The following FAM222B variants were observed in gnomAD, a reference collection of about 807,000 sequenced individuals.
FAM222B encodes protein FAM222B.
Under a neutral mutation model 38.0 loss-of-function variants are expected in FAM222B, and 12 were observed. The ratio of observed to expected loss-of-function variants is 0.32; its 90% CI spans 0.20 to 0.51. The LOEUF is 0.51. Among genes scored for constraint, FAM222B ranks in the 20% least tolerant of loss-of-function variants. The pLI, the probability that FAM222B is intolerant of heterozygous loss-of-function variation, is 0.97. For synonymous variants in FAM222B, 329 were observed against 317.2 expected, an observed-to-expected ratio of 1.04 and a Z score of -0.40; for missense variants, 716 against 754.2, an observed-to-expected ratio of 0.95 and a Z score of 0.59.
intron 1 of FAM222B, among the ~76,000 whole-genome samples, chr17:28,830,568 T>C (rs34267753): frequency 0.19 from 28,721 of 152,164 alleles, 2,850 homozygotes; most frequent in South Asian, 0.3. Context: ...AAGCAAAAGT[T>C]TTTAATTTTG....
intron 1 of FAM222B, among the ~76,000 whole-genome samples, chr17:28,773,479 C>CA (rs66716142): frequency 0.5 from 29,846 of 60,280 alleles, 8,009 homozygotes; most frequent in Non-Finnish European, 0.61. Flanking sequence ...AACTCTGTCT[C>CA]AAAAAAAAAA....
chr17:28,814,353 T>C (rs980146347), intron 1 of FAM222B, among the ~76,000 whole-genome samples: 1 of 152,100 alleles, frequency 6.6e-6, no homozygotes, highest in African/African-American at 2.4e-5. Flanking sequence ...AAAACAAAAC[T>C]TTAAAATTAA....
At chr17:28,791,174 G>C (rs1251679903) in intron 1 of FAM222B, among the ~76,000 whole-genome samples, 1 of 151,864 alleles carries the variant, frequency 6.6e-6, no homozygotes, top group South Asian at 2.1e-4. Flanking sequence ...CCTCCCAAAA[G>C]CTGGGATTAC....
Position 28,840,531 on chromosome 17 carries a change from TC to T in FAM222B, c.-41+2150del, listed in dbSNP as rs1233954849. Among the ~76,000 whole-genome samples, 4 of 152,076 alleles carry T rather than the reference TC, an allele frequency of 2.6e-5. No individual in the cohort carries two copies. The East Asian group carries it at 7.7e-4, about 29-fold the overall frequency. On this transcript the variant is annotated intron_variant, in intron 1 of 2. Transcript: ENST00000581407. ...CTTCTGAGATATTCCACCTGAGAGA[TC>T]CCACTGACAAGCAGGGTAACAAAAA...
chr17:28,796,734 A>G (rs1229948524), intron 1 of FAM222B, among the ~76,000 whole-genome samples: 1 of 152,002 alleles, frequency 6.6e-6, no homozygotes, highest in East Asian at 1.9e-4. Context: ...AAAAAAAAAG[A>G]AAGAAAGAAA....
intron 1 of FAM222B, among the ~76,000 whole-genome samples, chr17:28,825,230 T>C (rs1486597448): frequency 6.6e-6 from 1 of 151,840 alleles, no homozygotes; most frequent in African/African-American, 2.4e-5. Context: ...CTTAGGAGTT[T>C]GAGAACAGAC....
Position 28,756,459 on chromosome 17 carries a change from CAG to C in FAM222B, c.*1809_*1810del, listed in dbSNP as rs1328641955. On this transcript the variant is annotated 3_prime_UTR_variant, in exon 3 of 3. Coordinates refer to ENST00000581407, the MANE Select transcript of FAM222B (RefSeq NM_001077498.3). ...AGGTATTGGGGAGGAAAAAAAAATA[CAG>C]CAAGAATATCTGCTTTGGAGATCAA... 1 of 152,494 alleles carries C rather than the reference CAG, an allele frequency of 6.6e-6. No homozygotes were observed. The highest frequency in any genetic ancestry group is 6.6e-5 in the Admixed American group (1 of 15,260). 9.4% of individuals were successfully genotyped at this position (152,494 alleles called of 1,614,324 possible). A position where few individuals can be genotyped will look rare whatever the true frequency, so the allele number is the denominator to read the frequency against.
At position 28,759,294 on chromosome 17, in the gene FAM222B, G is replaced by A. The variant is rs769517981; in HGVS notation, c.665C>T (p.Pro222Leu). The change falls in exon 3 of 3, where the codon CCC (proline) becomes CTC (leucine). Residue 222 changes from proline (P) to leucine (L), a missense_variant. Transcript: ENST00000581407. The surrounding 1 kb of genome is among the most constrained non-coding windows in gnomAD (Gnocchi z 4.8). ...QALAHQGLQH[P>L]HNPLLHGGRK... Reference sequence around the variant, plus strand: ...GCCTCCATGCAGCAAGGGATTGTGGGGGTGCTGGAGACCCTGGTGAGCCAG... The same window carrying A: ...GCCTCCATGCAGCAAGGGATTGTGGAGGTGCTGGAGACCCTGGTGAGCCAG... 2 of 1,612,648 alleles carry A rather than the reference G, an allele frequency of 1.2e-6. No homozygotes were observed. The highest frequency in any genetic ancestry group is 1.6e-4 in the Middle Eastern group (1 of 6,062).
intron 1 of FAM222B, among the ~76,000 whole-genome samples, chr17:28,854,190 G>A (rs1413751154): frequency 6.6e-6 from 1 of 152,004 alleles, no homozygotes; most frequent in African/African-American, 2.4e-5. Context: ...TGATCCGCCC[G>A]CCTCGGCCTC....
Position 28,759,016 on chromosome 17 carries a change from C to T in FAM222B, c.943G>A (p.Val315Ile), listed in dbSNP as rs112187222. 269 of 1,612,942 alleles carry T rather than the reference C, an allele frequency of 1.7e-4. No homozygotes were observed. The African/African-American group carries it at 2.7e-3, about 16-fold the overall frequency. ...ACACATGAAGGCATTGGTGTGGGGACGCTGTGGGTCGACACCCGGGTGCTT... is the reference window on the plus strand; with the variant it reads ...ACACATGAAGGCATTGGTGTGGGGATGCTGTGGGTCGACACCCGGGTGCTT... ...NASTRVSTHS[V>I]PTPMPSCVVN... is the part of the protein sequence containing the mutation. Residue 315 changes from valine (V) to isoleucine (I), a missense_variant, in exon 3 of 3, where the codon GTC (valine) becomes ATC (isoleucine). Physicochemically the swap from Val to Ile is conservative, Grantham distance 29 (BLOSUM62 3). Transcript: ENST00000581407. This position sits in a 1 kb window ranked among gnomAD's most constrained non-coding sequence, Gnocchi z 4.8.
chr17:28,771,046 T>C (rs976853733), intron 1 of FAM222B, among the ~76,000 whole-genome samples: 1 of 151,066 alleles, frequency 6.6e-6, no homozygotes, highest in African/African-American at 2.4e-5. Context: ...GGTGCAATGA[T>C]GCTCCCTAGC....
rs761764271 is a variant in FAM222B, at chr17:28,758,965, C to T, written c.994G>A (p.Ala332Thr). ...GCAGCAGGCAACGCGGCGGTGGCCG[C>T]GTGGGTGTGCTCCATGGGATTGACC... is the stretch of plus-strand genomic sequence containing the variant. ...CVVNPMEHTH[A>T]ATAALPAAGP... Residue 332 changes from alanine to threonine, a missense_variant, in exon 3 of 3, where the codon GCG (alanine) becomes ACG (threonine). Ala to Thr is a moderately conservative substitution (Grantham distance 58). Transcript: ENST00000581407. 27 of 1,610,986 alleles carry T rather than the reference C, an allele frequency of 1.7e-5. No homozygotes were observed. Among genetic ancestry groups the T allele is most frequent in the Non-Finnish European group, 2.2e-5 (26 of 1,178,838 alleles).
intron 1 of FAM222B, among the ~76,000 whole-genome samples, chr17:28,814,135 G>A (rs887516557): frequency 5.3e-5 from 8 of 150,956 alleles, no homozygotes; most frequent in East Asian, 2.0e-4. Context: ...AGCAGAGACC[G>A]TGCCACTGCA....
chr17:28,805,334 A>C (rs1217913585), intron 1 of FAM222B, among the ~76,000 whole-genome samples: 1 of 152,198 alleles, frequency 6.6e-6, no homozygotes, highest in East Asian at 1.9e-4. Context: ...CAGAAGTTCG[A>C]GACCAACCTG....
At chr17:28,801,405 G>T (rs1402710558) in intron 1 of FAM222B, among the ~76,000 whole-genome samples, 1 of 138,896 alleles carries the variant, frequency 7.2e-6, no homozygotes, top group African/African-American at 2.8e-5. Context: ...AGTGAGCCAA[G>T]ATCATGCCAC....
intron 1 of FAM222B, among the ~76,000 whole-genome samples, chr17:28,788,787 G>T (rs2036531576): frequency 6.6e-6 from 1 of 151,944 alleles, no homozygotes; most frequent in African/African-American, 2.4e-5. Flanking sequence ...TGTCATCCAG[G>T]CTGGAGCGCA....
chr17:28,846,929 A>T (rs2039149279), upstream of FAM222B, among the ~76,000 whole-genome samples: 1 of 152,020 alleles, frequency 6.6e-6, no homozygotes, highest in South Asian at 2.1e-4. Context: ...TCTGCAAAAG[A>T]TTTAAAAATT....
At chr17:28,762,962 A>C (rs1275539766) in intron 2 of FAM222B, among the ~76,000 whole-genome samples, 3 of 151,974 alleles carry the variant, frequency 2.0e-5, no homozygotes, top group Non-Finnish European at 2.9e-5. Context: ...AAGTTTTCTC[A>C]ACACTTATCA....
chr17:28,836,320 C>T (rs1381112199), intron 1 of FAM222B, among the ~76,000 whole-genome samples: 1 of 151,224 alleles, frequency 6.6e-6, no homozygotes, highest in African/African-American at 2.4e-5. Context: ...TATATTTTCC[C>T]ATGAAATAGT....
Sources: gnomAD v4.1 joint callset for allele counts (sites outside exome capture counted in the v4.1 genomes callset) on GRCh38, gnomAD v4.1.1 for gene constraint, Gnocchi (gnomAD v3.1) non-coding constraint, MANE v1.5 for transcripts, NCBI Gene and HGNC (gene_info 2026-07-23, HGNC 2026-07-21) for gene names.